Variants in ADGRV1 observed in about 807,000 individuals in gnomAD.
The protein encoded by ADGRV1 is adhesion G protein-coupled receptor V1.
ADGRV1 carries 359 observed loss-of-function variants against 596.2 expected under a neutral mutation model. The observed-to-expected ratio is 0.60, with a 90% CI of 0.55 to 0.66. ADGRV1 has a LOEUF of 0.66. Ranked by LOEUF, ADGRV1 falls within the 30% of genes least tolerant of loss-of-function variation. The probability of loss-of-function intolerance (pLI) is 0.00; values close to 1 mark genes in which losing one functional copy is unlikely to be tolerated. For missense variants in ADGRV1, 7,274 were observed against 7,575.6 expected (o/e 0.96, Z 1.48); for synonymous variants, 2,681 against 2,679.2 (o/e 1.00, Z -0.02).
At chr5:90,593,746 A>T (rs1759854043) in intron 1 of ADGRV1, among the ~76,000 whole-genome samples, 1 of 152,156 alleles carries the variant, frequency 6.6e-6, no homozygotes, top group African/African-American at 2.4e-5. Flanking sequence ...AATAAAAAAA[A>T]TATGTAGTAT....
At chr5:91,127,673 A>G (rs556260358) in intron 87 of ADGRV1, among the ~76,000 whole-genome samples, 137 of 152,314 alleles carry the variant, frequency 9.0e-4, no homozygotes, top group Non-Finnish European at 1.7e-3. Context: ...GACAAAGCAA[A>G]AGGAAGATCT....
chr5:90,843,565 G>A (rs1019656352), intron 78 of ADGRV1, among the ~76,000 whole-genome samples: 3 of 152,164 alleles, frequency 2.0e-5, no homozygotes, highest in East Asian at 1.9e-4. Flanking sequence ...AGCAGAAAAC[G>A]TGGATCAGTC....
rs182737367 is a variant in ADGRV1, at chr5:90,739,133, C to T, written c.10550-5913C>T. On this transcript the variant is annotated intron_variant, in intron 50 of 89. Transcript: ENST00000405460. ...TAGTCATTGTATTCCTTATTTCTAGCGTTTCTGTTTGTTTTTTTGTTTGTT... is the reference window on the plus strand; with the variant it reads ...TAGTCATTGTATTCCTTATTTCTAGTGTTTCTGTTTGTTTTTTTGTTTGTT... Among the ~76,000 whole-genome samples the T allele has an allele frequency of 2.5e-3, 372 of 151,780 alleles. 3 individuals are homozygous for T. Among genetic ancestry groups the T allele is most frequent in the South Asian group, 0.014 (68 of 4,804 alleles).
chr5:90,784,160 C>T, intron 67 of ADGRV1, 103 bp downstream of exon 67: 1 of 734,464 alleles, frequency 1.4e-6, no homozygotes, highest in Non-Finnish European at 2.2e-6. Context: ...CACAGCCAAT[C>T]AATATTTATT....
chr5:90,953,927 A>G (rs779174561), intron 83 of ADGRV1, among the ~76,000 whole-genome samples: 1 of 152,010 alleles, frequency 6.6e-6, no homozygotes, highest in Non-Finnish European at 1.5e-5. Flanking sequence ...ACCTGTAGGC[A>G]TGTGTTTTAT....
At position 90,690,780 on chromosome 5, in the gene ADGRV1, C is replaced by T. The variant is rs1746366135; in HGVS notation, c.6707-17C>T. The T allele has an allele frequency of 1.3e-6, 2 of 1,583,582 alleles. No individual in the cohort carries two copies. The highest frequency in any genetic ancestry group is 8.6e-7 in the Non-Finnish European group (1 of 1,162,888). ...CACTTTGTATTTGAAATGAACTCTG[C>T]TCTGTCTACCCTTCAGGTTTTCAGA... On this transcript the variant is annotated splice_polypyrimidine_tract_variant and intron_variant, in intron 30 of 89. Transcript: ENST00000405460.
intron 50 of ADGRV1, 26 bp from the exon 51 acceptor site, chr5:90,745,020 A>G (rs1265561941): frequency 1.3e-6 from 2 of 1,547,868 alleles, no homozygotes; most frequent in South Asian, 1.1e-5. Context: ...ATCTCACTCA[A>G]GTTGTTTTTT....
intron 70 of ADGRV1, among the ~76,000 whole-genome samples, chr5:90,801,912 T>C (rs373263407): frequency 1.9e-4 from 29 of 152,192 alleles, no homozygotes; most frequent in African/African-American, 7.0e-4. Flanking sequence ...TTTGAAAATA[T>C]GTAACACATA....
chr5:90,728,481 A>G (rs1752093397), intron 48 of ADGRV1, among the ~76,000 whole-genome samples, 188 bp from the exon 49 acceptor site: 1 of 152,188 alleles, frequency 6.6e-6, no homozygotes, highest in Non-Finnish European at 1.5e-5. Context: ...ATATATGTGC[A>G]CACTCACACA....
At chr5:90,608,687 C>G (rs1762390093) in intron 1 of ADGRV1, among the ~76,000 whole-genome samples, 1 of 151,852 alleles carries the variant, frequency 6.6e-6, no homozygotes, top group Non-Finnish European at 1.5e-5. Flanking sequence ...TGTTCTCCAT[C>G]AAAACAAGGG....
Position 90,802,884 on chromosome 5 carries a change from T to C in ADGRV1, c.14661+2T>C. 1 of 1,599,968 alleles carries C rather than the reference T, an allele frequency of 6.3e-7. No homozygotes were observed. The highest frequency in any genetic ancestry group is 8.5e-7 in the Non-Finnish European group (1 of 1,172,726). ...TCTGAGAAAGCTGCCAATTCTCAGG[T>C]AATTGGCCCTGTGTGTGGTTCTCTC... is the stretch of plus-strand genomic sequence containing the variant. On this transcript the variant is annotated splice_donor_variant, in intron 71 of 89. Transcript: ENST00000405460. LOFTEE classifies it high-confidence loss of function.
At chr5:91,080,329 A>ACAAGGAAAT (rs1789233761) in intron 86 of ADGRV1, among the ~76,000 whole-genome samples, 3 of 152,144 alleles carry the variant, frequency 2.0e-5, no homozygotes, top group Admixed American at 2.0e-4. Flanking sequence ...CTCTAGTCAG[A>ACAAGGAAAT]CAAGGAAATC....
rs868496377 is a variant in ADGRV1, at chr5:90,805,071, A to G, written c.14662-213A>G. On this transcript the variant is annotated intron_variant, in intron 71 of 89. Transcript: ENST00000405460. ...TCATTCAAAAGATAACGTTTTGATT[A>G]AAAAAAGAAAAAGCTATCAACTATA... 9.1e-5 allele frequency: 33 copies of G among 363,652 alleles called. No individual in the cohort carries two copies. In the Middle Eastern group the frequency reaches 4.3e-3, roughly 48 times the overall value. 22.5% of individuals were successfully genotyped at this position (363,652 alleles called of 1,614,324 possible).
intron 82 of ADGRV1, among the ~76,000 whole-genome samples, chr5:90,862,357 CA>C (rs1767683327): frequency 3.9e-4 from 1 of 2,534 alleles, no homozygotes; most frequent in Admixed American, 0.016. Context: ...GTATATTACT[CA>C]CACACACACA....
intron 1 of ADGRV1, among the ~76,000 whole-genome samples, chr5:90,577,284 A>G (rs1035827567): frequency 2.0e-5 from 3 of 152,174 alleles, no homozygotes; most frequent in African/African-American, 7.2e-5. Flanking sequence ...ATCTTGAATA[A>G]TTTTTGTATA....
At chr5:90,674,745 A>C in intron 23 of ADGRV1, 1 of 153,938 alleles carries the variant, frequency 6.5e-6, no homozygotes, top group South Asian at 2.1e-4. Context: ...TATGGGAATG[A>C]ATCAAGAACA....
At chr5:90,807,008 A>T (rs112842366) in intron 72 of ADGRV1, among the ~76,000 whole-genome samples, 2,045 of 151,962 alleles carry the variant, frequency 0.013, 15 homozygotes, top group Middle Eastern at 0.054. Flanking sequence ...TCGCACCACC[A>T]TGCCTGGCTA....
intron 17 of ADGRV1, among the ~76,000 whole-genome samples, chr5:90,650,546 A>T (rs963371147): frequency 2.0e-5 from 3 of 152,170 alleles, no homozygotes; most frequent in Non-Finnish European, 1.5e-5. Flanking sequence ...ATTTGTTTCT[A>T]TAATTTTAGC....
chr5:90,818,726 T>A (rs976047254), intron 75 of ADGRV1, among the ~76,000 whole-genome samples: 1 of 150,874 alleles, frequency 6.6e-6, no homozygotes, highest in African/African-American at 2.4e-5. Context: ...TTTATTGATT[T>A]GCGTATATTG....
Sources: allele counts gnomAD v4.1 joint callset (sites outside exome capture counted in the v4.1 genomes callset), GRCh38; gene constraint gnomAD v4.1.1; transcripts MANE v1.5; gene names NCBI Gene and HGNC (gene_info 2026-07-23, HGNC 2026-07-21).